The following CPVL variants were observed in gnomAD, a reference collection of about 807,000 sequenced individuals.
The protein encoded by CPVL is probable serine carboxypeptidase CPVL.
A neutral mutation model predicts 63.7 loss-of-function variants in CPVL; 51 were observed. The observed-to-expected ratio is 0.80, with a 90% CI of 0.64 to 1.01. The LOEUF is 1.01. Ranked by LOEUF, CPVL falls within the 50% of genes least tolerant of loss-of-function variation. The pLI, the probability that CPVL is intolerant of heterozygous loss-of-function variation, is 0.00. For synonymous variants in CPVL, 195 were observed against 206.0 expected, an observed-to-expected ratio of 0.95 and a Z score of 0.46; for missense variants, 530 against 573.1, an observed-to-expected ratio of 0.92 and a Z score of 0.77.
chr7:29,071,370 C>T (rs1783715771), intron 9 of CPVL, among the ~76,000 whole-genome samples: 1 of 152,158 alleles, frequency 6.6e-6, no homozygotes. Flanking sequence ...CAGCTGAAAC[C>T]CTGTTTGTGG....
chr7:28,997,595 G>A (rs1784210685), intron 12 of CPVL, among the ~76,000 whole-genome samples: 1 of 152,166 alleles, frequency 6.6e-6, no homozygotes, highest in Admixed American at 6.5e-5. Context: ...AGATGACTGA[G>A]CTATTTGGAA....
intron 2 of CPVL, 186 bp from the exon 3 acceptor site, chr7:29,113,008 A>G (rs1319059329): frequency 4.0e-6 from 2 of 500,142 alleles, no homozygotes; most frequent in African/African-American, 1.9e-5. Flanking sequence ...CACGTTCACA[A>G]TTTAGCCAAG....
chr7:29,145,079 G>A (rs1370253245), intron 1 of CPVL, among the ~76,000 whole-genome samples: 2 of 151,570 alleles, frequency 1.3e-5, no homozygotes, highest in Admixed American at 1.3e-4. Flanking sequence ...TGCCCAGTTA[G>A]CCAAACGGTC....
At chr7:29,052,469 G>C (rs545555713) in intron 11 of CPVL, among the ~76,000 whole-genome samples, 3 of 138,066 alleles carry the variant, frequency 2.2e-5, no homozygotes, top group Non-Finnish European at 4.7e-5. Context: ...CAAACCAAAA[G>C]CATAAATGAT....
At chr7:29,063,751 T>C (rs1782860602) in intron 11 of CPVL, among the ~76,000 whole-genome samples, 1 of 151,974 alleles carries the variant, frequency 6.6e-6, no homozygotes, top group Non-Finnish European at 1.5e-5. Context: ...TTGTATTTTT[T>C]AGTAGAGAGA....
At chr7:29,163,225 T>TA (rs1477265888) in intron 5 of CPVL, among the ~76,000 whole-genome samples, 1 of 152,194 alleles carries the variant, frequency 6.6e-6, no homozygotes, top group Admixed American at 6.5e-5. Context: ...TAAATGTTAT[T>TA]AAATCTAAGA....
chr7:29,113,033 T>A, intron 2 of CPVL: 2 of 475,226 alleles, frequency 4.2e-6, no homozygotes, highest in Non-Finnish European at 7.6e-6. Context: ...TGTGAAAGTT[T>A]TAAGCCTTTG....
chr7:29,080,938 G>A (rs1220952172), intron 7 of CPVL, among the ~76,000 whole-genome samples: 1 of 152,186 alleles, frequency 6.6e-6, no homozygotes, highest in East Asian at 1.9e-4. Context: ...TTTGCTGATG[G>A]AGAAGAGATG....
At chr7:29,084,132 G>A (rs772191870) in intron 7 of CPVL, among the ~76,000 whole-genome samples, 11 of 152,098 alleles carry the variant, frequency 7.2e-5, no homozygotes, top group Admixed American at 3.3e-4. Context: ...AATTCTAAAT[G>A]TTCTTTCAGT....
At chr7:29,015,277 C>T (rs1786292168) in intron 12 of CPVL, among the ~76,000 whole-genome samples, 1 of 152,198 alleles carries the variant, frequency 6.6e-6, no homozygotes, top group Admixed American at 6.5e-5. Flanking sequence ...TTGCCACCAT[C>T]ACCACATACC....
At chr7:29,112,847 C>G (rs755926867) in intron 2 of CPVL, 25 bp from the exon 3 acceptor site, 2 of 1,476,728 alleles carry the variant, frequency 1.4e-6, no homozygotes, top group Non-Finnish European at 9.5e-7. Context: ...AAAATTTACC[C>G]AAGGATTACA....
chr7:29,022,544 T>G (rs975700448), intron 12 of CPVL, among the ~76,000 whole-genome samples: 1 of 152,118 alleles, frequency 6.6e-6, no homozygotes, highest in South Asian at 2.1e-4. Flanking sequence ...CCTGTGCCCA[T>G]GAACATTATC....
Position 29,047,558 on chromosome 7 carries a change from T to G in CPVL, c.1137+16503A>C, listed in dbSNP as rs1368467111. 3.9e-5 allele frequency among the ~76,000 whole-genome samples: 6 copies of G among 152,224 alleles called. No individual in the cohort carries two copies. In the South Asian group the frequency reaches 1.0e-3, roughly 26 times the overall value. The stretch of plus-strand genomic sequence containing the variant: ...TGGGATTATGTTGAATGACCAAACC[T>G]AAGAATAATCGGTGTTCCTGAGAAA... On this transcript the variant is annotated intron_variant, in intron 11 of 12. Coordinates refer to ENST00000265394, the MANE Select transcript of CPVL (RefSeq NM_031311.5).
upstream of CPVL, chr7:29,146,997 C>G (rs1207349520): frequency 5.8e-6 from 9 of 1,550,520 alleles, no homozygotes; most frequent in Non-Finnish European, 7.8e-6. Flanking sequence ...CTGCCAAGCA[C>G]TCTCCTGAAT....
At chr7:29,132,252 T>C (rs1201449417) in intron 1 of CPVL, among the ~76,000 whole-genome samples, 5 of 152,054 alleles carry the variant, frequency 3.3e-5, no homozygotes, top group African/African-American at 4.8e-5. Context: ...TGGAAGCCCA[T>C]GGTGGGGGCC....
At chr7:29,162,920 A>G (rs940104669) in intron 5 of CPVL, among the ~76,000 whole-genome samples, 1 of 152,232 alleles carries the variant, frequency 6.6e-6, no homozygotes, top group Non-Finnish European at 1.5e-5. Context: ...TGTACATGTG[A>G]TAAAACGTTA....
At chr7:29,110,655 T>C (rs1417408188) in intron 3 of CPVL, among the ~76,000 whole-genome samples, 1 of 152,238 alleles carries the variant, frequency 6.6e-6, no homozygotes, top group Admixed American at 6.5e-5. Flanking sequence ...ATCCATTTTG[T>C]ACAGAATAAT....
At chr7:29,082,294 C>G (rs1784804983) in intron 7 of CPVL, 1 of 152,132 alleles carries the variant, frequency 6.6e-6, no homozygotes, top group Non-Finnish European at 1.5e-5. Flanking sequence ...TGGAAGTGAT[C>G]TAGTTTAACA....
At chr7:29,071,726 A>AAG in intron 9 of CPVL, 47 bp downstream of exon 9, 1 of 243,710 alleles carries the variant, frequency 4.1e-6, no homozygotes, top group South Asian at 3.5e-5. Context: ...CTCCCTCCCC[A>AAG]GATGGTTTTA....
Sources: gnomAD v4.1 joint callset for allele counts (sites outside exome capture counted in the v4.1 genomes callset) on GRCh38, gnomAD v4.1.1 for gene constraint, MANE v1.5 for transcripts, NCBI Gene and HGNC (gene_info 2026-07-23, HGNC 2026-07-21) for gene names.